Variants in IKBIP observed in about 807,000 individuals in gnomAD.
The protein encoded by IKBIP is IKBKB interacting protein.
A neutral mutation model predicts 31.0 loss-of-function variants in IKBIP; 28 were observed. The ratio of observed to expected loss-of-function variants is 0.90; its 90% CI spans 0.67 to 1.24. The LOEUF is 1.24. Ranked by LOEUF, IKBIP falls within the 50% of genes most tolerant of loss-of-function variation. IKBIP has a pLI of 0.00. For missense variants in IKBIP, 453 were observed against 441.9 expected (o/e 1.03, Z -0.23); for synonymous variants, 164 against 160.3 (o/e 1.02, Z -0.17).
chr12:98,620,323 A>C (rs2153294859), downstream of IKBIP, among the ~76,000 whole-genome samples: 1 of 152,150 alleles, frequency 6.6e-6, no homozygotes, highest in East Asian at 1.9e-4. Context: ...AACATGGTTC[A>C]AGAATATGAT....
Position 98,631,929 on chromosome 12 carries a change from C to T in IKBIP, c.297+2367G>A, listed in dbSNP as rs186511656. Among the ~76,000 whole-genome samples the T allele has an allele frequency of 1.1e-4, 17 of 151,668 alleles. No homozygotes were observed. The East Asian group carries it at 3.4e-3, about 30-fold the overall frequency. On this transcript the variant is annotated intron_variant, in intron 2 of 2. Transcript: ENST00000299157. ...GGAGCACAATGGCGTGATCTCAGCT[C>T]ACTGCAATCTCCACCTCCCAGGTTC...
At chr12:98,641,154 G>A (rs1332222126) in intron 1 of IKBIP, among the ~76,000 whole-genome samples, 1 of 152,156 alleles carries the variant, frequency 6.6e-6, no homozygotes, top group East Asian at 1.9e-4. Context: ...CATAGGAAAT[G>A]GTCTGAAGAC....
At chr12:98,635,585 A>G (rs923176208) in intron 1 of IKBIP, among the ~76,000 whole-genome samples, 1 of 152,222 alleles carries the variant, frequency 6.6e-6, no homozygotes, top group African/African-American at 2.4e-5. Flanking sequence ...AATTTAGAAC[A>G]AGATCTTTGA....
downstream of IKBIP, among the ~76,000 whole-genome samples, chr12:98,623,785 TAAAGA>T (rs1268822421): frequency 1.3e-5 from 2 of 150,920 alleles, no homozygotes; most frequent in East Asian, 1.9e-4. Flanking sequence ...TAATTTTCCC[TAAAGA>T]AAAGACTAAC....
intron 1 of IKBIP, among the ~76,000 whole-genome samples, chr12:98,635,968 G>A (rs2097625419): frequency 6.6e-6 from 1 of 152,180 alleles, no homozygotes; most frequent in Non-Finnish European, 1.5e-5. Context: ...AGCCCAAAAA[G>A]CTATCTCAAT....
At chr12:98,635,518 G>A (rs2097624996) in intron 1 of IKBIP, among the ~76,000 whole-genome samples, 1 of 152,188 alleles carries the variant, frequency 6.6e-6, no homozygotes. Flanking sequence ...ATAAGATGGT[G>A]TGATATCTGT....
intron 2 of IKBIP, among the ~76,000 whole-genome samples, chr12:98,617,252 T>C (rs2097606794): frequency 6.6e-6 from 1 of 152,258 alleles, no homozygotes; most frequent in African/African-American, 2.4e-5. Flanking sequence ...TCTAAAATTC[T>C]GATTCCAAAT....
intron 2 of IKBIP, 137 bp downstream of exon 2, chr12:98,634,159 G>T: frequency 1.8e-6 from 1 of 559,012 alleles, no homozygotes. Context: ...AGAATGTCAA[G>T]AGGTAGGAAG....
intron 1 of IKBIP, among the ~76,000 whole-genome samples, chr12:98,641,268 A>G (rs908070353): frequency 7.2e-5 from 11 of 152,184 alleles, no homozygotes; most frequent in African/African-American, 2.2e-4. Context: ...GCAGTATTTA[A>G]GAGTACACAG....
chr12:98,636,028 A>C (rs767282953), intron 1 of IKBIP, among the ~76,000 whole-genome samples: 4 of 152,222 alleles, frequency 2.6e-5, no homozygotes, highest in Non-Finnish European at 5.9e-5. Flanking sequence ...GAAATGAGCA[A>C]GCATAAAAGA....
At chr12:98,615,492 G>C (rs1265575424) in intron 2 of IKBIP, among the ~76,000 whole-genome samples, 1 of 152,106 alleles carries the variant, frequency 6.6e-6, no homozygotes, top group Admixed American at 6.6e-5. Context: ...ACCTCCCAAA[G>C]TGCTAAGATT....
At chr12:98,635,572 A>T (rs1040693707) in intron 1 of IKBIP, among the ~76,000 whole-genome samples, 3 of 152,242 alleles carry the variant, frequency 2.0e-5, no homozygotes, top group Non-Finnish European at 4.4e-5. Context: ...GGACAAAGTG[A>T]AAAATTTAGA....
At chr12:98,643,384 TAACAA>T (rs2153301530) in intron 1 of IKBIP, among the ~76,000 whole-genome samples, 2 of 152,280 alleles carry the variant, frequency 1.3e-5, no homozygotes, top group South Asian at 4.1e-4. Flanking sequence ...TCTGGAAGAT[TAACAA>T]CAGTCTTACT....
intron 1 of IKBIP, among the ~76,000 whole-genome samples, chr12:98,642,599 C>CTT (rs11380575): frequency 0.15 from 17,677 of 115,230 alleles, 2,329 homozygotes; most frequent in East Asian, 0.35. Context: ...ATGCTATCTG[C>CTT]TTTTTTTTTT....
intron 2 of IKBIP, among the ~76,000 whole-genome samples, chr12:98,618,050 GTTAC>G (rs1020757787): frequency 2.6e-5 from 4 of 152,084 alleles, no homozygotes; most frequent in African/African-American, 9.7e-5. Flanking sequence ...CGATAAATGT[GTTAC>G]TTAAAATTCA....
chr12:98,627,301 T>C (rs1366913966), intron 2 of IKBIP, among the ~76,000 whole-genome samples: 1 of 151,388 alleles, frequency 6.6e-6, no homozygotes, highest in Non-Finnish European at 1.5e-5. Flanking sequence ...AAAATACACC[T>C]GAACACACAA....
At chr12:98,621,222 C>T (rs978456249), downstream of IKBIP, among the ~76,000 whole-genome samples, 12 of 152,116 alleles carry the variant, frequency 7.9e-5, no homozygotes, top group Non-Finnish European at 4.4e-5. Context: ...GCACTCCAGC[C>T]TGGGCGACAC....
rs778221303 is a variant in IKBIP, at chr12:98,626,370, C to T, written c.694G>A (p.Gly232Ser). Residue 232 changes from glycine (G) to serine (S), a missense_variant, in exon 3 of 3, where the codon GGC becomes AGC. By Grantham distance (56) the Gly-to-Ser change is moderately conservative (BLOSUM62 0). Transcript: ENST00000299157. ...TTTTCAATTGCCTTTGTATCAGAGC[C>T]TAGCTGCTCCTCTACTCGCAGGAGA... ...EDLLRVEEQL[G>S]SDTKAIEKLE... is the part of the protein sequence containing the mutation. 8 of 1,613,918 alleles carry T rather than the reference C, an allele frequency of 5.0e-6. No homozygotes were observed. The highest frequency in any genetic ancestry group is 6.8e-6 in the Non-Finnish European group (8 of 1,180,038).
chr12:98,644,614 G>T lies in IKBIP; in HGVS notation c.88C>A (p.Pro30Thr). ...PGKRSEGGKT[P>T]VARSSGGGGW... is the part of the protein sequence containing the mutation. The stretch of plus-strand genomic sequence containing the variant: ...CCGCCTCCGCTGCTCCGGGCCACGG[G>T]GGTCTTCCCGCCCTCGCTCCGCTTC... The change falls in exon 1 of 3, where the codon CCC (proline) becomes ACC (threonine). Residue 30 changes from proline (P) to threonine (T), a missense_variant. Pro to Thr is a conservative substitution (Grantham distance 38). Coordinates refer to ENST00000299157, the MANE Select transcript of IKBIP (RefSeq NM_153687.4). The T allele has an allele frequency of 6.2e-7, 1 of 1,610,480 alleles. No individual in the cohort carries two copies. The highest frequency in any genetic ancestry group is 8.5e-7 in the Non-Finnish European group (1 of 1,179,038).
Sources: gnomAD v4.1 joint callset for allele counts (sites outside exome capture counted in the v4.1 genomes callset) on GRCh38, gnomAD v4.1.1 for gene constraint, MANE v1.5 for transcripts, NCBI Gene and HGNC (gene_info 2026-07-23, HGNC 2026-07-21) for gene names.